Variants in RAD54L2 observed in about 807,000 individuals in gnomAD.
The protein encoded by RAD54L2 is RAD54 like 2, also known as helicase ARIP4.
In RAD54L2, 27 loss-of-function variants were observed where a neutral mutation model predicts 138.4. The ratio of observed to expected loss-of-function variants is 0.20; its 90% CI spans 0.14 to 0.27. The LOEUF is 0.27. Among genes scored for constraint, RAD54L2 ranks in the 10% least tolerant of loss-of-function variants. The pLI is 1.00. For missense variants in RAD54L2, 1,396 were observed against 1,890.2 expected (o/e 0.74, Z 4.85); for synonymous variants, 644 against 723.2 (o/e 0.89, Z 1.76).
rs138738868 is a variant in RAD54L2, at chr3:51,564,196, C to T, written c.-55+22546C>T. Among the ~76,000 whole-genome samples the T allele has an allele frequency of 7.9e-5, 12 of 152,276 alleles. No homozygotes were observed. The East Asian group carries it at 2.1e-3, about 27-fold the overall frequency. ...TCTTTTCTATTCTTCTCTTAAATTG[C>T]GATGAAGCAGTATGTCTCTGCCTTA... On this transcript the variant is annotated intron_variant, in intron 2 of 22. Coordinates refer to ENST00000684192, the MANE Select transcript of RAD54L2 (RefSeq NM_015106.4).
chr3:51,664,874 G>T lies in RAD54L2; in HGVS notation c.*1454G>T, dbSNP rs1256920757. The T allele has an allele frequency of 6.6e-6, 1 of 152,208 alleles. No homozygotes were observed. The highest frequency in any genetic ancestry group is 1.5e-5 in the Non-Finnish European group (1 of 68,024). The allele number at this position is 152,208 out of a possible 1,614,324, so 9.4% of individuals were successfully genotyped here. A position where few individuals can be genotyped will look rare whatever the true frequency, so the allele number is the denominator to read the frequency against. On this transcript the variant is annotated 3_prime_UTR_variant, in exon 23 of 23. Coordinates refer to ENST00000684192, the MANE Select transcript of RAD54L2 (RefSeq NM_015106.4). ...GTGTCCTCCTGGGATGATGTTAGAT[G>T]TTGGCTCTCTATGCTGAATAGTGAA...
At chr3:51,540,047 C>T (rs782560279) in intron 1 of RAD54L2, among the ~76,000 whole-genome samples, 71 of 152,264 alleles carry the variant, frequency 4.7e-4, no homozygotes, top group Non-Finnish European at 8.4e-4. Flanking sequence ...AATTGTGACT[C>T]ATACTTTCTT....
chr3:51,539,906 A>G (rs1325383741), intron 1 of RAD54L2, among the ~76,000 whole-genome samples: 1 of 152,178 alleles, frequency 6.6e-6, no homozygotes, highest in Non-Finnish European at 1.5e-5. Context: ...CGTAGAGGAC[A>G]GTGTGGACCT....
chr3:51,638,436 C>A lies in RAD54L2; in HGVS notation c.1860+115C>A. On this transcript the variant is annotated intron_variant, in intron 12 of 22. Coordinates refer to ENST00000684192, the MANE Select transcript of RAD54L2 (RefSeq NM_015106.4). The surrounding 1 kb of genome is among the most constrained non-coding windows in gnomAD (Gnocchi z 4.3). ...GGGAGAATAAAGTGAGAGGGGGCCA[C>A]CTCAGTTCACTGCACTGGAGGTTTG... The A allele has an allele frequency of 8.0e-7, 1 of 1,250,520 alleles. No homozygotes were observed. Among genetic ancestry groups the A allele is most frequent in the Non-Finnish European group, 1.1e-6 (1 of 893,786 alleles). 77.5% of individuals were successfully genotyped at this position (1,250,520 alleles called of 1,614,324 possible). A position where few individuals can be genotyped will look rare whatever the true frequency, so the allele number is the denominator to read the frequency against.
chr3:51,585,050 A>C (rs537751999), intron 2 of RAD54L2, among the ~76,000 whole-genome samples: 148 of 151,880 alleles, frequency 9.7e-4, no homozygotes, highest in African/African-American at 3.5e-3. Context: ...GGCTCAAACG[A>C]TTCTCCTGCC....
Position 51,637,052 on chromosome 3 carries a change from T to A in RAD54L2, c.1340-109T>A, listed in dbSNP as rs1207837111. The A allele has an allele frequency of 2.0e-6, 2 of 1,004,478 alleles. No homozygotes were observed. Among genetic ancestry groups the A allele is most frequent in the Non-Finnish European group, 3.0e-6 (2 of 671,422 alleles). The allele number at this position is 1,004,478 out of a possible 1,614,324, so 62.2% of individuals were successfully genotyped here. On this transcript the variant is annotated intron_variant, in intron 10 of 22. Coordinates refer to ENST00000684192, the MANE Select transcript of RAD54L2 (RefSeq NM_015106.4). The surrounding 1 kb of genome is among the most constrained non-coding windows in gnomAD (Gnocchi z 5.9). ...CAAGGGGGGCTGACTCTTGCTTTCC[T>A]GCTTCCTTCATTTCTTCTGTCTCCT...
chr3:51,545,651 C>T (rs1285503820), intron 2 of RAD54L2, among the ~76,000 whole-genome samples: 1 of 151,906 alleles, frequency 6.6e-6, no homozygotes, highest in Non-Finnish European at 1.5e-5. Flanking sequence ...ATGATCATAG[C>T]TCACTGTAGC....
intron 5 of RAD54L2, 32 bp downstream of exon 5, chr3:51,629,505 T>C (rs1700783803): frequency 3.1e-6 from 5 of 1,607,158 alleles, no homozygotes; most frequent in Non-Finnish European, 4.2e-6. Flanking sequence ...GAAGGCCCTT[T>C]GCTTCAGGAG....
At chr3:51,558,968 C>T (rs1424187020) in intron 2 of RAD54L2, among the ~76,000 whole-genome samples, 1 of 152,056 alleles carries the variant, frequency 6.6e-6, no homozygotes, top group Non-Finnish European at 1.5e-5. Flanking sequence ...CTGCCTCCCA[C>T]GTTTAAGCAA....
intron 21 of RAD54L2, among the ~76,000 whole-genome samples, chr3:51,657,916 CTTTTTTTTTTTTTTT>C (rs71084155): frequency 1.1e-5 from 1 of 87,444 alleles, no homozygotes; most frequent in Admixed American, 1.6e-4. Context: ...ATCTTGCTGT[CTTTTTTTTTTTTTTT>C]TTTTTTTTTT....
At chr3:51,634,970 C>T (rs1228728548) in intron 9 of RAD54L2, among the ~76,000 whole-genome samples, 4 of 152,094 alleles carry the variant, frequency 2.6e-5, no homozygotes, top group Non-Finnish European at 5.9e-5. Flanking sequence ...ATATTTTTTT[C>T]AGAGGGTGCC....
chr3:51,584,630 C>CTATATA (rs139603411), intron 2 of RAD54L2, among the ~76,000 whole-genome samples: 22 of 139,994 alleles, frequency 1.6e-4, no homozygotes, highest in African/African-American at 5.5e-4. Flanking sequence ...CTCTACAGTA[C>CTATATA]TATATATATA....
rs564885778 is a variant in RAD54L2, at chr3:51,557,572, C to T, written c.-55+15922C>T. 3.3e-5 allele frequency among the ~76,000 whole-genome samples: 5 copies of T among 151,798 alleles called. No homozygotes were observed. The South Asian group carries it at 8.3e-4, about 25-fold the overall frequency. On this transcript the variant is annotated intron_variant, in intron 2 of 22. Coordinates refer to ENST00000684192, the MANE Select transcript of RAD54L2 (RefSeq NM_015106.4). ...TCTTATGTTCTTATTAATTACACGC[C>T]TGTAATCTCAACACTTTGGGAGGCT...
chr3:51,618,138 T>TG (rs1336742047), intron 3 of RAD54L2, among the ~76,000 whole-genome samples: 1 of 149,818 alleles, frequency 6.7e-6, no homozygotes, highest in African/African-American at 2.4e-5. Flanking sequence ...TTTTGTATTT[T>TG]TTTTTTTTTT....
chr3:51,572,479 A>G (rs1236292427), intron 2 of RAD54L2, among the ~76,000 whole-genome samples: 1 of 149,826 alleles, frequency 6.7e-6, no homozygotes, highest in South Asian at 2.1e-4. Context: ...AAGGCTGGAC[A>G]TGGTGATTCA....
intron 19 of RAD54L2, among the ~76,000 whole-genome samples, chr3:51,649,747 T>G (rs1701380544): frequency 6.6e-6 from 1 of 152,186 alleles, no homozygotes. Flanking sequence ...GAGAGATTTG[T>G]CACCACCAGG....
chr3:51,573,607 G>A (rs1699392127), intron 2 of RAD54L2, among the ~76,000 whole-genome samples: 1 of 151,924 alleles, frequency 6.6e-6, no homozygotes, highest in Non-Finnish European at 1.5e-5. Flanking sequence ...GAGTAGGTGG[G>A]ACTATAGGTG....
At chr3:51,599,186 A>G (rs928893457) in intron 3 of RAD54L2, among the ~76,000 whole-genome samples, 1 of 152,194 alleles carries the variant, frequency 6.6e-6, no homozygotes, top group Admixed American at 6.5e-5. Flanking sequence ...ACATTTGGTC[A>G]CTAGAAGTCT....
chr3:51,638,271 A>G lies in RAD54L2; in HGVS notation c.1810A>G (p.Ser604Gly). Residue 604 changes from serine (S) to glycine (G), a missense_variant, in exon 12 of 23, where the codon AGC becomes GGC. Around this residue, in one of 7 missense-constraint regions of RAD54L2, gnomAD observed 211 missense variants for 273.8 expected, o/e 0.77. Transcript: ENST00000684192. This position sits in a 1 kb window ranked among gnomAD's most constrained non-coding sequence, Gnocchi z 4.3. ...FMDRFRDCGSSGWLGLNPLKA... is the reference protein window; with the variant it reads ...FMDRFRDCGSGGWLGLNPLKA... Reference sequence around the variant, plus strand: ...GGATCGCTTCCGGGACTGTGGTAGCAGCGGTTGGCTGGGGCTGAACCCCCT... The same window carrying G: ...GGATCGCTTCCGGGACTGTGGTAGCGGCGGTTGGCTGGGGCTGAACCCCCT... 6.2e-7 allele frequency: 1 copy of G among 1,614,010 alleles called. No homozygotes were observed. Among genetic ancestry groups the G allele is most frequent in the Non-Finnish European group, 8.5e-7 (1 of 1,179,890 alleles).
Sources: gnomAD v4.1 joint callset for allele counts (sites outside exome capture counted in the v4.1 genomes callset) on GRCh38, gnomAD v4.1.1 for gene constraint, gnomAD v4.1.1 regional missense constraint, Gnocchi (gnomAD v3.1) non-coding constraint, MANE v1.5 for transcripts, NCBI Gene and HGNC (gene_info 2026-07-23, HGNC 2026-07-21) for gene names.